Variants in ZDHHC11B observed in about 807,000 individuals in gnomAD.
ZDHHC11B encodes probable palmitoyltransferase ZDHHC11B.
In ZDHHC11B, 17 loss-of-function variants were observed where a neutral mutation model predicts 42.3. The observed-to-expected ratio is 0.40, with a 90% CI of 0.27 to 0.60. The LOEUF (loss-of-function observed/expected upper bound fraction) is 0.60. Ranked by LOEUF, ZDHHC11B falls within the 20% of genes least tolerant of loss-of-function variation. ZDHHC11B has a pLI of 0.41. For synonymous variants in ZDHHC11B, 123 were observed against 193.5 expected (o/e 0.64, Z 3.02); for missense variants, 262 against 463.2 (o/e 0.57, Z 3.99).
At chr5:743,227 C>G (rs1382380149) in intron 9 of ZDHHC11B, among the ~76,000 whole-genome samples, 1 of 149,390 alleles carries the variant, frequency 6.7e-6, no homozygotes, top group Non-Finnish European at 1.5e-5. Flanking sequence ...CTATATCTGT[C>G]TCTGTCGGCG....
At chr5:751,445 A>ATGT (rs1745693760) in intron 6 of ZDHHC11B, among the ~76,000 whole-genome samples, 188 bp from the exon 7 acceptor site, 18 of 26,734 alleles carry the variant, frequency 6.7e-4, no homozygotes, top group African/African-American at 8.6e-4. Context: ...AGGCAGGGGC[A>ATGT]GGGACACGCA....
In ZDHHC11B at chr5:745,259, G is replaced by T. The variant is rs325135; in HGVS notation, c.824C>A (p.Thr275Asn). Residue 275 changes from threonine to asparagine, a missense_variant, in exon 9 of 14, where the codon ACC becomes AAC. By Grantham distance (65) the Thr-to-Asn change is moderately conservative. Around this residue, in one of 5 missense-constraint regions of ZDHHC11B, gnomAD observed 57 missense variants for 103.3 expected, o/e 0.55. Transcript: ENST00000508859. ...KMTTFEYLIN[T>N]RKEESSKHQA... ...ATGTTTTGAACTCTCTTCTTTGCGG[G>T]TATTAATGAGATACTCAAAGGTGGT... 5.2e-5 allele frequency: 84 copies of T among 1,609,160 alleles called. 3 individuals are homozygous for T. Among genetic ancestry groups the T allele is most frequent in the Admixed American group, 8.4e-5 (5 of 59,346 alleles).
At chr5:730,919 A>G (rs546444640) in intron 11 of ZDHHC11B, among the ~76,000 whole-genome samples, 19 of 151,980 alleles carry the variant, frequency 1.3e-4, no homozygotes, top group African/African-American at 4.6e-4. Context: ...GGAGAAACCA[A>G]CCCTGCAGAC....
At chr5:718,269 T>C (rs1461689183) in intron 12 of ZDHHC11B, among the ~76,000 whole-genome samples, 1 of 151,704 alleles carries the variant, frequency 6.6e-6, no homozygotes, top group African/African-American at 2.4e-5. Flanking sequence ...TAGAAAGCTA[T>C]AGAGCCTGGT....
chr5:759,644 A>T (rs1734327581), intron 4 of ZDHHC11B, among the ~76,000 whole-genome samples: 1 of 151,906 alleles, frequency 6.6e-6, no homozygotes, highest in African/African-American at 2.4e-5. Context: ...GCGGGCACTG[A>T]GGCATGCTCT....
intron 4 of ZDHHC11B, among the ~76,000 whole-genome samples, chr5:765,701 C>G (rs1010428073): frequency 2.0e-5 from 3 of 151,908 alleles, no homozygotes; most frequent in Admixed American, 6.6e-5. Context: ...TTTATGAGCT[C>G]TAACACTCGC....
At chr5:777,174 T>A (rs1579464227) in intron 1 of ZDHHC11B, among the ~76,000 whole-genome samples, 2 of 152,034 alleles carry the variant, frequency 1.3e-5, no homozygotes, top group East Asian at 3.9e-4. Flanking sequence ...TTCTTCCTTC[T>A]GGTGGGTTCG....
rs188197144 is a variant in ZDHHC11B, at chr5:717,892, A to G, written c.1059-1027T>C. ...GCGGCCAGGCAGTGACTGCTGCTGC[A>G]AAACTTCCCAAACTATAGGCAACAA... On this transcript the variant is annotated intron_variant, in intron 12 of 13. Transcript: ENST00000508859. Among the ~76,000 whole-genome samples the G allele has an allele frequency of 4.7e-3, 708 of 151,430 alleles. 16 individuals are homozygous for G. Among genetic ancestry groups the G allele is most frequent in the African/African-American group, 0.017 (676 of 40,900 alleles).
chr5:721,035 C>T (rs1742141786), intron 12 of ZDHHC11B, among the ~76,000 whole-genome samples: 1 of 151,818 alleles, frequency 6.6e-6, no homozygotes, highest in East Asian at 1.9e-4. Context: ...TGCTTGAGCC[C>T]AGGAGTAGGA....
intron 6 of ZDHHC11B, among the ~76,000 whole-genome samples, chr5:753,687 G>A (rs1271340179): frequency 6.7e-5 from 10 of 148,514 alleles, no homozygotes; most frequent in African/African-American, 1.7e-4. Context: ...GGGTCTCCCC[G>A]GCCCCTACCA....
intron 9 of ZDHHC11B, among the ~76,000 whole-genome samples, 153 bp downstream of exon 9, chr5:745,030 T>A (rs545952676): frequency 6.8e-6 from 1 of 146,062 alleles, no homozygotes; most frequent in African/African-American, 2.5e-5. Context: ...GACACACCCA[T>A]GCACAGAGCC....
At chr5:745,925 G>A (rs1351048244) in intron 8 of ZDHHC11B, among the ~76,000 whole-genome samples, 1 of 149,750 alleles carries the variant, frequency 6.7e-6, no homozygotes, top group African/African-American at 2.5e-5. Flanking sequence ...GTGCCACTCA[G>A]CACAGCCTCT....
intron 6 of ZDHHC11B, 145 bp downstream of exon 6, chr5:754,853 C>T: frequency 3.5e-6 from 1 of 282,272 alleles, no homozygotes; most frequent in Non-Finnish European, 5.5e-6. Context: ...GGCACGCAGG[C>T]ACCAAGCGCC....
chr5:732,759 G>C, intron 11 of ZDHHC11B: 1 of 375,732 alleles, frequency 2.7e-6, no homozygotes, highest in South Asian at 2.1e-5. Flanking sequence ...GCCTGGCATG[G>C]AGGCTCACGC....
At chr5:751,318 G>T (rs1407539910) in intron 6 of ZDHHC11B, 61 bp from the exon 7 acceptor site, 3 of 350,680 alleles carry the variant, frequency 8.6e-6, no homozygotes, top group Admixed American at 2.0e-4. Flanking sequence ...GGGGCGCAGG[G>T]GCAGGTGTGG....
chr5:765,588 G>C (rs527710313), intron 4 of ZDHHC11B, among the ~76,000 whole-genome samples: 1 of 152,042 alleles, frequency 6.6e-6, no homozygotes, highest in Non-Finnish European at 1.5e-5. Flanking sequence ...GCTCAAGCCA[G>C]TAGCAGCAAA....
intron 1 of ZDHHC11B, among the ~76,000 whole-genome samples, chr5:778,301 G>A (rs1394629815): frequency 5.9e-5 from 9 of 151,522 alleles, no homozygotes; most frequent in Non-Finnish European, 1.0e-4. Flanking sequence ...GAGACTCGGC[G>A]GCTGCAGATG....
intron 4 of ZDHHC11B, among the ~76,000 whole-genome samples, chr5:760,944 A>AGGT (rs201710939): frequency 0.01 from 1,580 of 151,458 alleles, 36 homozygotes; most frequent in Non-Finnish European, 0.018. Flanking sequence ...ACAGACCCCC[A>AGGT]GGTGGTGGAG....
chr5:717,181 G>A (rs746174993), intron 12 of ZDHHC11B, among the ~76,000 whole-genome samples: 37 of 151,422 alleles, frequency 2.4e-4, no homozygotes, highest in Non-Finnish European at 4.1e-4. Flanking sequence ...GAAAAGTGGC[G>A]AAATGTGGGG....
Sources: allele counts gnomAD v4.1 joint callset (sites outside exome capture counted in the v4.1 genomes callset), GRCh38; gene constraint gnomAD v4.1.1; regional missense constraint gnomAD v4.1.1; transcripts MANE v1.5; gene names NCBI Gene and HGNC (gene_info 2026-07-23, HGNC 2026-07-21).